The following GSDME variants were observed in gnomAD, a reference collection of about 807,000 sequenced individuals.
The protein encoded by GSDME is gasdermin E.
GSDME carries 44 observed loss-of-function variants against 47.5 expected under a neutral mutation model. The ratio of observed to expected loss-of-function variants is 0.93; its 90% CI spans 0.73 to 1.19. The LOEUF (loss-of-function observed/expected upper bound fraction) is 1.19, where lower values mean the gene tolerates loss of function less well. Ranked by LOEUF, GSDME falls within the 50% of genes most tolerant of loss-of-function variation. The probability of loss-of-function intolerance (pLI) is 0.00; values close to 1 mark genes in which losing one functional copy is unlikely to be tolerated. For missense variants in GSDME, 663 were observed against 604.2 expected, an observed-to-expected ratio of 1.10 and a Z score of -1.02; for synonymous variants, 258 against 252.8, an observed-to-expected ratio of 1.02 and a Z score of -0.20.
chr7:24,763,218 T>G, the GSDME span, among the ~76,000 whole-genome samples: 1 of 152,106 alleles, frequency 6.6e-6, no homozygotes, highest in Non-Finnish European at 1.5e-5. This position sits in a 1 kb window ranked among gnomAD's most constrained non-coding sequence, Gnocchi z 4.3. Context: ...TAGCACAAAT[T>G]TCTTTTCTCT....
chr7:24,700,268 A>AC (rs1379068338), intron 9 of GSDME, among the ~76,000 whole-genome samples: 2 of 152,190 alleles, frequency 1.3e-5, no homozygotes, highest in African/African-American at 4.8e-5. Context: ...CACCGAGGTC[A>AC]CTTTGGATGC....
intron 9 of GSDME, among the ~76,000 whole-genome samples, chr7:24,700,587 C>G (rs1788824040): frequency 6.6e-6 from 1 of 152,190 alleles, no homozygotes; most frequent in African/African-American, 2.4e-5. Flanking sequence ...TCCAGGTAGA[C>G]TGAAGGGTAG....
At chr7:24,762,700 G>A (rs78106412), upstream of GSDME, among the ~76,000 whole-genome samples, 226 of 152,328 alleles carry the variant, frequency 1.5e-3, no homozygotes, top group African/African-American at 5.1e-3. Context: ...AATAAGGATA[G>A]AGGATGAGAA....
chr7:24,760,607 A>G (rs1481877779), upstream of GSDME, among the ~76,000 whole-genome samples: 1 of 152,238 alleles, frequency 6.6e-6, no homozygotes, highest in African/African-American at 2.4e-5. This position sits in a 1 kb window ranked among gnomAD's most constrained non-coding sequence, Gnocchi z 4.2. Context: ...TTGCCTTTAA[A>G]TTAAGACTAC....
Position 24,712,021 on chromosome 7 carries a change from T to C in GSDME, c.698-1633A>G. 6.6e-6 allele frequency among the ~76,000 whole-genome samples: 1 copy of C among 152,222 alleles called. No individual in the cohort carries two copies. Among genetic ancestry groups the C allele is most frequent in the Non-Finnish European group, 1.5e-5 (1 of 68,040 alleles). On this transcript the variant is annotated intron_variant, in intron 5 of 9. Coordinates refer to ENST00000645220, the MANE Select transcript of GSDME (RefSeq NM_001127453.2). The surrounding 1 kb of genome is among the most constrained non-coding windows in gnomAD (Gnocchi z 4.4). ...GTAAGCAAAGGCTATGGAATAAAAA[T>C]GTGGCAGGGCCCCGTATTTGCTGAA...
chr7:24,767,151 C>T, the GSDME span, among the ~76,000 whole-genome samples: 1 of 152,126 alleles, frequency 6.6e-6, no homozygotes, highest in African/African-American at 2.4e-5. This position sits in a 1 kb window ranked among gnomAD's most constrained non-coding sequence, Gnocchi z 5.3. Context: ...TTGTGAAACC[C>T]CGTCTCTACT....
rs1317436463 is a variant in GSDME at position 24,756,853 on chromosome 7, A to C, written c.-20+543T>G. 1.3e-5 allele frequency among the ~76,000 whole-genome samples: 2 copies of C among 152,076 alleles called. No individual in the cohort carries two copies. The highest frequency in any genetic ancestry group is 3.9e-4 in the East Asian group (2 of 5,166). On this transcript the variant is annotated intron_variant, in intron 1 of 9. Transcript: ENST00000645220. The surrounding 1 kb of genome is among the most constrained non-coding windows in gnomAD (Gnocchi z 4.2). ...CCGAGTGGGGCTTGGCCTCCTCCCC[A>C]AGCTAGGAGCTCTCTAGATACCGGA...
At chr7:24,778,120 T>A in the GSDME span, among the ~76,000 whole-genome samples, 5 of 151,278 alleles carry the variant, frequency 3.3e-5, no homozygotes, top group African/African-American at 9.7e-5. This position sits in a 1 kb window ranked among gnomAD's most constrained non-coding sequence, Gnocchi z 5.6. Context: ...TGTATGTGCA[T>A]GTGTGTCTGT....
In GSDME at chr7:24,721,416, G is replaced by A. The variant is rs1789781720; in HGVS notation, c.405-2198C>T. Among the ~76,000 whole-genome samples, 1 of 152,216 alleles carries A rather than the reference G, an allele frequency of 6.6e-6. No homozygotes were observed. The highest frequency in any genetic ancestry group is 1.5e-5 in the Non-Finnish European group (1 of 68,038). On this transcript the variant is annotated intron_variant, in intron 3 of 9. Transcript: ENST00000645220. This position sits in a 1 kb window ranked among gnomAD's most constrained non-coding sequence, Gnocchi z 4.1. ...TTTCCAGGAAGGAACAGGAAACAGG[G>A]ACCCTGGAGCCTGCAGGGCTGGGGT...
chr7:24,733,122 GC>G lies in GSDME; in HGVS notation c.404+11439del, dbSNP rs955403511. Among the ~76,000 whole-genome samples, 7 of 152,024 alleles carry G rather than the reference GC, an allele frequency of 4.6e-5. No individual in the cohort carries two copies. Among genetic ancestry groups the G allele is most frequent in the African/African-American group, 1.7e-4 (7 of 41,376 alleles). ...ATAGGGCACCAGGCAGAGTTGTGAG[GC>G]CCCCACTGCAGACCCTAGCTGCCAG... On this transcript the variant is annotated intron_variant, in intron 3 of 9. Transcript: ENST00000645220. This position sits in a 1 kb window ranked among gnomAD's most constrained non-coding sequence, Gnocchi z 4.3.
chr7:24,742,119 C>T lies in GSDME; in HGVS notation c.404+2443G>A, dbSNP rs1224794885. 1.3e-5 allele frequency among the ~76,000 whole-genome samples: 2 copies of T among 152,208 alleles called. No homozygotes were observed. The highest frequency in any genetic ancestry group is 2.9e-5 in the Non-Finnish European group (2 of 68,040). ...CAGGCACCTCCAGGAGAGCAGGCCT[C>T]GCTATGCACATGTGCCTGCTCAGGA... is the stretch of plus-strand genomic sequence containing the variant. On this transcript the variant is annotated intron_variant, in intron 3 of 9. Transcript: ENST00000645220. The surrounding 1 kb of genome is among the most constrained non-coding windows in gnomAD (Gnocchi z 4.4).
the GSDME span, among the ~76,000 whole-genome samples, chr7:24,785,136 T>A: frequency 6.6e-6 from 1 of 152,194 alleles, no homozygotes; most frequent in African/African-American, 2.4e-5. Flanking sequence ...AAAAATAAAC[T>A]TTTGTTGGAA....
chr7:24,781,109 T>C, the GSDME span, among the ~76,000 whole-genome samples: 1 of 152,152 alleles, frequency 6.6e-6, no homozygotes, highest in South Asian at 2.1e-4. Flanking sequence ...ACTGAATGGG[T>C]AGTGACAAAA....
In GSDME at chr7:24,707,266, C is replaced by CA. The variant is rs770173827; in HGVS notation, c.990+860dup. On this transcript the variant is annotated intron_variant, in intron 7 of 9. Coordinates refer to ENST00000645220, the MANE Select transcript of GSDME (RefSeq NM_001127453.2). Reference sequence around the variant, plus strand: ...ATAATATAATAGAAAAACAAAAGAACAAAAAACAAAACTGTAGTCAAAATC... The same window carrying CA: ...ATAATATAATAGAAAAACAAAAGAACAAAAAAACAAAACTGTAGTCAAAATC... The CA allele has an allele frequency of 9.3e-4, 429 of 462,404 alleles. No homozygotes were observed. The East Asian group carries it at 9.5e-3, about 10-fold the overall frequency. The allele number at this position is 462,404 out of a possible 1,614,324, so 28.6% of individuals were successfully genotyped here.
the GSDME span, among the ~76,000 whole-genome samples, chr7:24,764,095 A>G: frequency 4.6e-5 from 7 of 152,212 alleles, no homozygotes; most frequent in African/African-American, 1.4e-4. The surrounding 1 kb of genome is among the most constrained non-coding windows in gnomAD (Gnocchi z 4.4). Flanking sequence ...ACAACTTCTT[A>G]GCTGAGTTAT....
In GSDME at chr7:24,732,284, G is replaced by A. The variant is rs1354332880; in HGVS notation, c.404+12278C>T. On this transcript the variant is annotated intron_variant, in intron 3 of 9. Transcript: ENST00000645220. The surrounding 1 kb of genome is among the most constrained non-coding windows in gnomAD (Gnocchi z 4.8). ...ATTGATCAGGTAGGAAGGAAGCCCAGTTCAAACTTTGTTTTTTCCAAGAAA... is the reference window on the plus strand; with the variant it reads ...ATTGATCAGGTAGGAAGGAAGCCCAATTCAAACTTTGTTTTTTCCAAGAAA... 6.6e-6 allele frequency among the ~76,000 whole-genome samples: 1 copy of A among 152,208 alleles called. No individual in the cohort carries two copies. Among genetic ancestry groups the A allele is most frequent in the Non-Finnish European group, 1.5e-5 (1 of 68,032 alleles).
the GSDME span, among the ~76,000 whole-genome samples, chr7:24,791,624 G>A: frequency 9.9e-5 from 15 of 152,214 alleles, no homozygotes; most frequent in Admixed American, 3.3e-4. The surrounding 1 kb of genome is among the most constrained non-coding windows in gnomAD (Gnocchi z 4.8). Flanking sequence ...TCTGATAACC[G>A]GATCCATCTT....
intron 3 of GSDME, among the ~76,000 whole-genome samples, chr7:24,722,093 C>T (rs1403699281): frequency 6.6e-6 from 1 of 152,170 alleles, no homozygotes; most frequent in Non-Finnish European, 1.5e-5. Context: ...GAATATAAAC[C>T]CCACAGAGGT....
the GSDME span, among the ~76,000 whole-genome samples, chr7:24,768,906 T>C: frequency 1.3e-5 from 2 of 152,236 alleles, no homozygotes; most frequent in Non-Finnish European, 2.9e-5. This position sits in a 1 kb window ranked among gnomAD's most constrained non-coding sequence, Gnocchi z 5.6. Context: ...AACACATTCA[T>C]TGAGCCCCTG....
Sources: gnomAD v4.1 joint callset for allele counts (sites outside exome capture counted in the v4.1 genomes callset) on GRCh38, gnomAD v4.1.1 for gene constraint, Gnocchi (gnomAD v3.1) non-coding constraint, MANE v1.5 for transcripts, NCBI Gene and HGNC (gene_info 2026-07-23, HGNC 2026-07-21) for gene names.